Variants in PHF3 observed in about 807,000 individuals in gnomAD.
The protein encoded by PHF3 is PHD finger protein 3.
A neutral mutation model predicts 178.4 loss-of-function variants in PHF3; 41 were observed. The ratio of observed to expected loss-of-function variants is 0.23; its 90% CI spans 0.18 to 0.30. The LOEUF (loss-of-function observed/expected upper bound fraction) is 0.30, where lower values mean the gene tolerates loss of function less well. PHF3 is among the 10% of genes least tolerant of loss of function. PHF3 has a pLI of 1.00. For missense variants in PHF3, 2,346 were observed against 2,398.1 expected (o/e 0.98, Z 0.45); for synonymous variants, 842 against 800.5 (o/e 1.05, Z -0.88).
chr6:63,645,165 A>T (rs1449030524), intron 1 of PHF3, among the ~76,000 whole-genome samples: 1 of 152,072 alleles, frequency 6.6e-6, no homozygotes, highest in African/African-American at 2.4e-5. Flanking sequence ...GGCATGAGCC[A>T]CTGGGCCTGG....
intron 2 of PHF3, among the ~76,000 whole-genome samples, chr6:63,656,022 A>T (rs991025046): frequency 1.3e-5 from 2 of 152,246 alleles, no homozygotes; most frequent in African/African-American, 4.8e-5. Context: ...ATCCTTAATA[A>T]CAAAAGTAAC....
chr6:63,649,109 T>TATTTATTC (rs1408948372), intron 2 of PHF3, among the ~76,000 whole-genome samples: 11 of 151,438 alleles, frequency 7.3e-5, no homozygotes, highest in Non-Finnish European at 1.5e-4. Flanking sequence ...TTTATTTATT[T>TATTTATTC]ATTCATTTAT....
At chr6:63,708,829 ATGTGT>A (rs1240039883) in intron 13 of PHF3, among the ~76,000 whole-genome samples, 2 of 152,156 alleles carry the variant, frequency 1.3e-5, no homozygotes, top group Non-Finnish European at 2.9e-5. Flanking sequence ...ATATTCTGAA[ATGTGT>A]TGTGTTCTTT....
At chr6:63,667,996 A>G (rs186577155) in intron 2 of PHF3, among the ~76,000 whole-genome samples, 1 of 152,356 alleles carries the variant, frequency 6.6e-6, no homozygotes, top group Admixed American at 6.5e-5. Flanking sequence ...AGTAATCTGC[A>G]CAGCGATGCA....
intron 2 of PHF3, among the ~76,000 whole-genome samples, chr6:63,662,719 G>A (rs748653763): frequency 3.3e-5 from 5 of 152,080 alleles, no homozygotes; most frequent in Non-Finnish European, 7.4e-5. Flanking sequence ...TAAGTGAATC[G>A]TGAATGACAA....
At position 63,646,517 on chromosome 6, in the gene PHF3, C is replaced by T. The variant is rs1236299865; in HGVS notation, c.-25-10C>T. On this transcript the variant is annotated splice_polypyrimidine_tract_variant and intron_variant, in intron 1 of 15. Coordinates refer to ENST00000262043, the MANE Select transcript of PHF3 (RefSeq NM_001370348.2). ...TTATTTCTTATGGTATTTTTTTTGT[C>T]TTTCTATAGGGCTGAAAGACACACA... 25 of 1,515,436 alleles carry T rather than the reference C, an allele frequency of 1.6e-5. No homozygotes were observed. The Middle Eastern group carries it at 5.4e-4, about 33-fold the overall frequency. The allele number at this position is 1,515,436 out of a possible 1,614,324, so 93.9% of individuals were successfully genotyped here.
Position 63,713,470 on chromosome 6 carries a change from G to T in PHF3, c.5882G>T (p.Ser1961Ile). Residue 1961 changes from serine to isoleucine, a missense_variant, in exon 16 of 16, where the codon AGC (serine) becomes ATC (isoleucine). Physicochemically the swap from Ser to Ile is moderately radical, Grantham distance 142 (BLOSUM62 -2). Around this residue, in one of 8 missense-constraint regions of PHF3, gnomAD observed 839 missense variants for 806.9 expected, o/e 1.04. Coordinates refer to ENST00000262043, the MANE Select transcript of PHF3 (RefSeq NM_001370348.2). Reference sequence around the variant, plus strand: ...CAAGACAAGGACAGAGACAGAAAAAGCAGGGAGGAAGGGCACAAAGATAAA... The same window carrying T: ...CAAGACAAGGACAGAGACAGAAAAATCAGGGAGGAAGGGCACAAAGATAAA... ...RSQDKDRDRK[S>I]REEGHKDKER... is the part of the protein sequence containing the mutation. 1 of 1,613,896 alleles carries T rather than the reference G, an allele frequency of 6.2e-7. No homozygotes were observed.
At chr6:63,651,025 ATTAG>A (rs1764997460) in intron 2 of PHF3, among the ~76,000 whole-genome samples, 2 of 152,038 alleles carry the variant, frequency 1.3e-5, no homozygotes, top group Non-Finnish European at 2.9e-5. Flanking sequence ...TTTGTTTATT[ATTAG>A]TTGATTTTTT....
chr6:63,707,080 T>C (rs1322569746), intron 13 of PHF3, among the ~76,000 whole-genome samples: 1 of 152,254 alleles, frequency 6.6e-6, no homozygotes, highest in African/African-American at 2.4e-5. Context: ...TAAACTCCTA[T>C]GTCCTGCACT....
At chr6:63,700,585 C>T in intron 9 of PHF3, 119 bp downstream of exon 9, 2 of 570,834 alleles carry the variant, frequency 3.5e-6, no homozygotes, top group South Asian at 5.0e-5. Context: ...CTTTCTGTTA[C>T]ATGCTTCTTT....
rs901639339 is a variant in PHF3 at position 63,725,680 on chromosome 6, G to C, written c.*11972G>C. On this transcript the variant is annotated 3_prime_UTR_variant, in exon 16 of 16. Transcript: ENST00000262043. The stretch of plus-strand genomic sequence containing the variant: ...TGAGGGTATTTCAGAAGTGCATTGA[G>C]GTGGAACCACTTTGGTCGAATTCCC... Among the ~76,000 whole-genome samples the C allele has an allele frequency of 1.3e-5, 2 of 151,948 alleles. No homozygotes were observed. The highest frequency in any genetic ancestry group is 1.3e-4 in the Admixed American group (2 of 15,260).
rs1766652122 is a variant in PHF3, at chr6:63,685,522, A to G, written c.1800A>G (p.Ser600=). ...TAACTCATTCTTTGAGTGATAAGTC[A>G]CACGCTCATCCTGGTTGCTTGAAAG... ...KPLTHSLSDK[S]HAHPGCLKEP... Residue 600 remains serine (S), a synonymous_variant, in exon 4 of 16, where the codon TCA becomes TCG. Transcript: ENST00000262043. The G allele has an allele frequency of 1.2e-6, 2 of 1,614,040 alleles. No individual in the cohort carries two copies. Among genetic ancestry groups the G allele is most frequent in the African/African-American group, 2.7e-5 (2 of 74,926 alleles).
intron 3 of PHF3, among the ~76,000 whole-genome samples, 175 bp downstream of exon 3, chr6:63,680,336 C>G (rs1473201538): frequency 6.6e-6 from 1 of 151,620 alleles, no homozygotes; most frequent in East Asian, 1.9e-4. Context: ...CAGTACCCAC[C>G]ACCCCACACT....
At chr6:63,689,768 A>G (rs1766914607) in intron 4 of PHF3, among the ~76,000 whole-genome samples, 1 of 152,174 alleles carries the variant, frequency 6.6e-6, no homozygotes, top group Non-Finnish European at 1.5e-5. Flanking sequence ...AAATGTGAAA[A>G]TTCCTTAATA....
rs1426436366 is a variant in PHF3, at chr6:63,721,089, G to T, written c.*7381G>T. The T allele has an allele frequency of 6.4e-7, 1 of 1,551,254 alleles. No individual in the cohort carries two copies. ...AGTGGTACTGAAATTTAAGGATATAGTAGTGAACTGGAGGTTTCTCATTCT... is the reference window on the plus strand; with the variant it reads ...AGTGGTACTGAAATTTAAGGATATATTAGTGAACTGGAGGTTTCTCATTCT... On this transcript the variant is annotated 3_prime_UTR_variant, in exon 16 of 16. Coordinates refer to ENST00000262043, the MANE Select transcript of PHF3 (RefSeq NM_001370348.2).
At chr6:63,674,922 A>AT (rs1206013775) in intron 2 of PHF3, among the ~76,000 whole-genome samples, 1 of 152,188 alleles carries the variant, frequency 6.6e-6, no homozygotes, top group Non-Finnish European at 1.5e-5. Flanking sequence ...TTTGTATGGT[A>AT]TTAAAGTGAT....
At position 63,713,021 on chromosome 6, in the gene PHF3, C is replaced by T. The variant is rs1329407904; in HGVS notation, c.5433C>T (p.Ser1811=). Residue 1811 remains serine (S), a synonymous_variant, in exon 16 of 16, where the codon AGC becomes AGT. Coordinates refer to ENST00000262043, the MANE Select transcript of PHF3 (RefSeq NM_001370348.2). ...QQPNLQHLKS[S]PPGFPFPGPP... ...CCAACCTTCAGCATCTCAAGTCTAG[C>T]CCACCTGGATTTCCATTTCCAGGGC... The T allele has an allele frequency of 5.6e-6, 9 of 1,613,852 alleles. No individual in the cohort carries two copies. Among genetic ancestry groups the T allele is most frequent in the Non-Finnish European group, 6.8e-6 (8 of 1,179,938 alleles).
At position 63,723,855 on chromosome 6, in the gene PHF3, T is replaced by A. The variant is rs1239649308; in HGVS notation, c.*10147T>A. Among the ~76,000 whole-genome samples, 4 of 150,716 alleles carry A rather than the reference T, an allele frequency of 2.7e-5. No individual in the cohort carries two copies. The East Asian group carries it at 7.8e-4, about 29-fold the overall frequency. On this transcript the variant is annotated 3_prime_UTR_variant, in exon 16 of 16. Transcript: ENST00000262043. ...TATTATTTTGAGACCAGAGTCCTGC[T>A]CTGTCCCCCAAGCTGGAGTGCAATG...
chr6:63,708,398 T>C (rs912092952), intron 13 of PHF3, among the ~76,000 whole-genome samples: 3 of 152,136 alleles, frequency 2.0e-5, no homozygotes, highest in African/African-American at 7.2e-5. Flanking sequence ...AAGATTATTA[T>C]TTTCCCCTCC....
Sources: gnomAD v4.1 joint callset for allele counts (sites outside exome capture counted in the v4.1 genomes callset) on GRCh38, gnomAD v4.1.1 for gene constraint, gnomAD v4.1.1 regional missense constraint, MANE v1.5 for transcripts, NCBI Gene and HGNC (gene_info 2026-07-23, HGNC 2026-07-21) for gene names.